NALF1: variants seen among roughly 807,000 people sequenced by gnomAD.
The protein encoded by NALF1 is NALCN channel auxiliary factor 1, also known as family with sequence similarity 155 member A.
Under a neutral mutation model 48.4 loss-of-function variants are expected in NALF1, and 3 were observed. That is an observed-to-expected ratio of 0.06 (90% CI 0.03 to 0.16). NALF1 has a LOEUF of 0.16. Among genes scored for constraint, NALF1 ranks in the 10% least tolerant of loss-of-function variants. NALF1 has a pLI of 1.00. For synonymous variants in NALF1, 262 were observed against 245.7 expected (o/e 1.07, Z -0.62); for missense variants, 526 against 571.5 (o/e 0.92, Z 0.81).
chr13:107,206,746 G>A (rs1315050825), intron 2 of NALF1, among the ~76,000 whole-genome samples: 5 of 152,182 alleles, frequency 3.3e-5, no homozygotes, highest in Non-Finnish European at 7.3e-5. Flanking sequence ...CCACTGGTTT[G>A]TCACTAAGGA....
intron 1 of NALF1, among the ~76,000 whole-genome samples, chr13:107,325,887 T>TATATATACACACAC (rs752320518): frequency 1.5e-4 from 9 of 58,906 alleles, no homozygotes; most frequent in African/African-American, 2.6e-4. Flanking sequence ...TATATATATA[T>TATATATACACACAC]ACACACACAC....
intron 1 of NALF1, among the ~76,000 whole-genome samples, chr13:107,380,295 C>T (rs183818011): frequency 2.6e-5 from 4 of 152,098 alleles, no homozygotes; most frequent in East Asian, 3.9e-4. Flanking sequence ...CTTTATATTG[C>T]GTATTTTTCA....
At chr13:107,608,597 G>A (rs1879136365) in intron 1 of NALF1, among the ~76,000 whole-genome samples, 1 of 152,130 alleles carries the variant, frequency 6.6e-6, no homozygotes, top group South Asian at 2.1e-4. Flanking sequence ...GGTGGTTGGG[G>A]GAAGCCACAC....
Position 107,327,877 on chromosome 13 carries a change from C to T in NALF1, c.916-117122G>A, listed in dbSNP as rs59035667. Among the ~76,000 whole-genome samples the T allele has an allele frequency of 4.1e-3, 617 of 152,130 alleles. 3 individuals carry two copies. Among genetic ancestry groups the T allele is most frequent in the African/African-American group, 0.014 (588 of 41,498 alleles). The stretch of plus-strand genomic sequence containing the variant: ...CTTTATAGAGTGGTACTCCAGCCAC[C>T]GAAATCCTAGTTATCCTTCAGATCT... On this transcript the variant is annotated intron_variant, in intron 1 of 2. Transcript: ENST00000375915.
At chr13:107,370,107 A>G (rs139488558) in intron 1 of NALF1, among the ~76,000 whole-genome samples, 1 of 148,022 alleles carries the variant, frequency 6.8e-6, no homozygotes, top group Non-Finnish European at 1.5e-5. Context: ...GAGGCACAGA[A>G]AGTGCAAATT....
At chr13:107,411,876 TG>T (rs1454568690) in intron 1 of NALF1, among the ~76,000 whole-genome samples, 2 of 152,066 alleles carry the variant, frequency 1.3e-5, no homozygotes, top group Non-Finnish European at 2.9e-5. Flanking sequence ...CTTGGATGGA[TG>T]TCAAAGCAGA....
chr13:107,313,424 G>C (rs935095512), intron 1 of NALF1, among the ~76,000 whole-genome samples: 38 of 152,106 alleles, frequency 2.5e-4, no homozygotes, highest in African/African-American at 8.9e-4. Flanking sequence ...TAGCTACAAA[G>C]ATTAAAAACA....
chr13:107,346,919 T>C (rs781605469), intron 1 of NALF1, among the ~76,000 whole-genome samples: 41 of 152,126 alleles, frequency 2.7e-4, no homozygotes, highest in Admixed American at 1.3e-3. Flanking sequence ...ATCTGGAAAA[T>C]TGGGAAGAAG....
At chr13:107,286,058 T>A (rs760130336) in intron 1 of NALF1, among the ~76,000 whole-genome samples, 1 of 152,156 alleles carries the variant, frequency 6.6e-6, no homozygotes, top group Non-Finnish European at 1.5e-5. Context: ...TCCAAGAAGC[T>A]ATATGAATCC....
intron 1 of NALF1, among the ~76,000 whole-genome samples, chr13:107,567,099 T>TC (rs1358319556): frequency 1.3e-5 from 2 of 152,204 alleles, no homozygotes; most frequent in Non-Finnish European, 2.9e-5. Flanking sequence ...ATAACTGTCT[T>TC]CAACAGTTTA....
chr13:107,396,759 C>T (rs888113141), intron 1 of NALF1, among the ~76,000 whole-genome samples: 1 of 152,122 alleles, frequency 6.6e-6, no homozygotes, highest in African/African-American at 2.4e-5. Context: ...CCTCTCTCAC[C>T]CTGCAGTAGA....
At chr13:107,559,476 T>A (rs983620686) in intron 1 of NALF1, among the ~76,000 whole-genome samples, 1 of 152,148 alleles carries the variant, frequency 6.6e-6, no homozygotes, top group Non-Finnish European at 1.5e-5. Context: ...AAACCAATAA[T>A]ATCTCATTTG....
At chr13:107,294,369 G>A (rs531882337) in intron 1 of NALF1, among the ~76,000 whole-genome samples, 2 of 152,166 alleles carry the variant, frequency 1.3e-5, no homozygotes, top group East Asian at 1.9e-4. Context: ...TAGATAACTC[G>A]TCCACGGTCA....
At chr13:107,426,381 G>A (rs1167542740) in intron 1 of NALF1, among the ~76,000 whole-genome samples, 1 of 152,112 alleles carries the variant, frequency 6.6e-6, no homozygotes, top group Non-Finnish European at 1.5e-5. Context: ...TTGAACAAAT[G>A]AATAAATATG....
rs548425614 is a variant in NALF1, at chr13:107,643,085, G to T, written c.915+222597C>A. On this transcript the variant is annotated intron_variant, in intron 1 of 2. Coordinates refer to ENST00000375915, the MANE Select transcript of NALF1 (RefSeq NM_001080396.3). ...CATCAGGTTTCGCAGTTCATTCTCC[G>T]TTAGGGGCACCCAGCCAAAGCACAC... 3.3e-5 allele frequency among the ~76,000 whole-genome samples: 5 copies of T among 152,008 alleles called. No homozygotes were observed. In the South Asian group the frequency reaches 6.2e-4, roughly 19 times the overall value.
chr13:107,352,274 C>T (rs574083702), intron 1 of NALF1, among the ~76,000 whole-genome samples: 1 of 152,188 alleles, frequency 6.6e-6, no homozygotes, highest in East Asian at 1.9e-4. Context: ...TGTGTCTGAC[C>T]TGCTGTTCCA....
chr13:107,531,931 G>A (rs989539548), intron 1 of NALF1, among the ~76,000 whole-genome samples: 15 of 151,900 alleles, frequency 9.9e-5, no homozygotes, highest in East Asian at 9.7e-4. Flanking sequence ...TTCTATTTAC[G>A]TATTTGTTTT....
At chr13:107,825,339 A>G (rs1879481715) in intron 1 of NALF1, among the ~76,000 whole-genome samples, 1 of 152,212 alleles carries the variant, frequency 6.6e-6, no homozygotes, top group African/African-American at 2.4e-5. Context: ...CCTAACCTAA[A>G]TGAATAATGC....
At chr13:107,554,242 C>T (rs1345849965) in intron 1 of NALF1, among the ~76,000 whole-genome samples, 1 of 152,152 alleles carries the variant, frequency 6.6e-6, no homozygotes, top group Non-Finnish European at 1.5e-5. Context: ...GCAGGAAGCT[C>T]CATTTTCAGA....
Sources: gnomAD v4.1 joint callset for allele counts (sites outside exome capture counted in the v4.1 genomes callset) on GRCh38, gnomAD v4.1.1 for gene constraint, MANE v1.5 for transcripts, NCBI Gene and HGNC (gene_info 2026-07-23, HGNC 2026-07-21) for gene names.